SCML4: variants seen among roughly 807,000 people sequenced by gnomAD.
SCML4 encodes sex comb on midleg-like protein 4.
A neutral mutation model predicts 41.1 loss-of-function variants in SCML4; 34 were observed. The ratio of observed to expected loss-of-function variants is 0.83; its 90% CI spans 0.63 to 1.10. The LOEUF is 1.10. Among genes scored for constraint, SCML4 ranks in the 50% least tolerant of loss-of-function variants. The pLI is 0.00. For synonymous variants in SCML4, 214 were observed against 220.9 expected, an observed-to-expected ratio of 0.97 and a Z score of 0.28; for missense variants, 522 against 534.1, an observed-to-expected ratio of 0.98 and a Z score of 0.22.
intron 1 of SCML4, among the ~76,000 whole-genome samples, chr6:107,778,225 ATATATATATATATATATATATATAT>A (rs1562248951): frequency 3.5e-3 from 22 of 6,344 alleles, no homozygotes; most frequent in African/African-American, 7.5e-3. Flanking sequence ...AAAAAAAAAT[ATATATATATATATATATATATATAT>A]ATATATATAT....
At chr6:107,807,858 C>T (rs146165404) in intron 1 of SCML4, among the ~76,000 whole-genome samples, 5 of 152,318 alleles carry the variant, frequency 3.3e-5, no homozygotes, top group African/African-American at 1.2e-4. Flanking sequence ...CTTCTATTCA[C>T]GCTACTGTAA....
chr6:107,753,825 T>C (rs1778888427), intron 2 of SCML4, among the ~76,000 whole-genome samples: 1 of 152,172 alleles, frequency 6.6e-6, no homozygotes, highest in African/African-American at 2.4e-5. Flanking sequence ...GGAGATTTAG[T>C]GCATGAGGGA....
intron 2 of SCML4, among the ~76,000 whole-genome samples, chr6:107,761,442 G>GTGTT (rs1554213666): frequency 1.0e-4 from 2 of 20,086 alleles, no homozygotes; most frequent in South Asian, 4.1e-3. Flanking sequence ...AATATCTTTG[G>GTGTT]TTTTTTTTTT....
At chr6:107,831,932 G>A in the SCML4 span, among the ~76,000 whole-genome samples, 3 of 151,930 alleles carry the variant, frequency 2.0e-5, no homozygotes, top group East Asian at 1.9e-4. Context: ...GCATGGTGGC[G>A]CATGCCTGTA....
intron 1 of SCML4, among the ~76,000 whole-genome samples, chr6:107,809,527 GAAAACTTTTTTGA>G (rs1428931258): frequency 1.3e-5 from 2 of 152,326 alleles, no homozygotes; most frequent in African/African-American, 4.8e-5. Context: ...GGAGAATGCA[GAAAACTTTTTTGA>G]AAGTAACATC....
intron 5 of SCML4, among the ~76,000 whole-genome samples, chr6:107,724,536 G>C (rs1775760021): frequency 6.6e-6 from 1 of 151,998 alleles, no homozygotes; most frequent in African/African-American, 2.4e-5. Flanking sequence ...ATTTATAATA[G>C]TATGAAAAAG....
chr6:107,727,939 C>G (rs1008487328), intron 5 of SCML4, among the ~76,000 whole-genome samples: 1 of 152,228 alleles, frequency 6.6e-6, no homozygotes, highest in Non-Finnish European at 1.5e-5. Flanking sequence ...CATGCAGTAT[C>G]TGGCATGATG....
intron 2 of SCML4, among the ~76,000 whole-genome samples, chr6:107,750,229 C>T (rs1380022696): frequency 6.6e-6 from 1 of 152,174 alleles, no homozygotes; most frequent in Non-Finnish European, 1.5e-5. Context: ...CACTGTCTCC[C>T]AAGCTCTCTG....
chr6:107,751,648 T>A (rs969709951), intron 2 of SCML4, among the ~76,000 whole-genome samples: 2 of 148,064 alleles, frequency 1.4e-5, no homozygotes, highest in Admixed American at 6.9e-5. Context: ...CTTTCTTTCT[T>A]TTTTGAGAGG....
chr6:107,702,294 C>T lies in SCML4; in HGVS notation c.*2906G>A, dbSNP rs554029045. 6.6e-6 allele frequency among the ~76,000 whole-genome samples: 1 copy of T among 152,324 alleles called. No individual in the cohort carries two copies. The highest frequency in any genetic ancestry group is 1.9e-4 in the East Asian group (1 of 5,194). On this transcript the variant is annotated 3_prime_UTR_variant, in exon 8 of 8. Coordinates refer to ENST00000369020, the MANE Select transcript of SCML4 (RefSeq NM_198081.5). ...TAGCACCTCCGCGAGAGAAGTTCCA[C>T]GTGAACATGGATCCAGTTTTCTCCA...
At position 107,735,658 on chromosome 6, in the gene SCML4, G is replaced by A. The variant is rs1344188968; in HGVS notation, c.682+9291C>T. On this transcript the variant is annotated intron_variant, in intron 5 of 7. Transcript: ENST00000369020. ...TATTAAAAATACAAAAATTAGCCAG[G>A]CATGGTGGCAGGCTCCTGTAATCCC... Among the ~76,000 whole-genome samples the A allele has an allele frequency of 1.3e-4, 20 of 151,838 alleles. No homozygotes were observed. In the East Asian group the frequency reaches 3.9e-3, roughly 29 times the overall value.
intron 1 of SCML4, among the ~76,000 whole-genome samples, chr6:107,778,149 C>T (rs974158864): frequency 8.7e-5 from 12 of 138,610 alleles, no homozygotes; most frequent in Middle Eastern, 7.6e-3. Context: ...CGGGAGATCA[C>T]GCCACTGCAC....
the SCML4 span, among the ~76,000 whole-genome samples, chr6:107,838,612 C>G: frequency 6.6e-6 from 1 of 152,276 alleles, no homozygotes; most frequent in Admixed American, 6.5e-5. Context: ...CATTGATATT[C>G]CACGATATGC....
intron 2 of SCML4, among the ~76,000 whole-genome samples, chr6:107,767,431 G>A (rs4946862): frequency 0.26 from 39,424 of 152,006 alleles, 6,512 homozygotes; most frequent in African/African-American, 0.47. Context: ...GAATACTCAA[G>A]TTTCTACTTA....
At chr6:107,778,222 A>AATATATATATATATATATATAT (rs1163805768) in intron 1 of SCML4, among the ~76,000 whole-genome samples, 1 of 15,502 alleles carries the variant, frequency 6.5e-5, no homozygotes, top group African/African-American at 1.5e-4. Context: ...AAAAAAAAAA[A>AATATATATATATATATATATAT]ATATATATAT....
intron 1 of SCML4, among the ~76,000 whole-genome samples, chr6:107,777,963 C>A (rs1358641251): frequency 6.6e-6 from 1 of 151,708 alleles, no homozygotes. Flanking sequence ...ACCTGTCATC[C>A]CAGCACTTTC....
intron 6 of SCML4, chr6:107,720,287 C>T (rs1775234963): frequency 2.5e-6 from 2 of 801,698 alleles, no homozygotes; most frequent in African/African-American, 1.9e-5. Flanking sequence ...GTGTCTTCTC[C>T]ACACCTTCTT....
intron 1 of SCML4, among the ~76,000 whole-genome samples, chr6:107,778,921 C>T (rs967511070): frequency 3.9e-5 from 6 of 152,142 alleles, no homozygotes; most frequent in Non-Finnish European, 8.8e-5. Flanking sequence ...TGGCTCACGC[C>T]TGTAATCCCA....
intron 5 of SCML4, among the ~76,000 whole-genome samples, chr6:107,723,166 A>C (rs1775604206): frequency 6.6e-6 from 1 of 152,250 alleles, no homozygotes; most frequent in South Asian, 2.1e-4. Context: ...TGAGAAATAC[A>C]GATGCTTTTT....
Sources: allele counts gnomAD v4.1 joint callset (sites outside exome capture counted in the v4.1 genomes callset), GRCh38; gene constraint gnomAD v4.1.1; transcripts MANE v1.5; gene names NCBI Gene and HGNC (gene_info 2026-07-23, HGNC 2026-07-21).